Variants in MYO5B observed in about 807,000 individuals in gnomAD.
MYO5B encodes the protein myosin VB.
MYO5B carries 143 observed loss-of-function variants against 229.3 expected under a neutral mutation model. The observed-to-expected ratio is 0.62, with a 90% CI of 0.54 to 0.72. MYO5B has a LOEUF of 0.72. MYO5B is among the 30% of genes least tolerant of loss of function. MYO5B has a pLI of 0.00. For synonymous variants in MYO5B, 918 were observed against 885.2 expected, an observed-to-expected ratio of 1.04 and a Z score of -0.66; for missense variants, 2,321 against 2,331.0, an observed-to-expected ratio of 1.00 and a Z score of 0.09.
chr18:49,991,373 A>T (rs2025930519), intron 6 of MYO5B, among the ~76,000 whole-genome samples: 1 of 152,186 alleles, frequency 6.6e-6, no homozygotes, highest in Non-Finnish European at 1.5e-5. Context: ...CATTTAACCC[A>T]AGGCAAGAAT....
At chr18:50,160,229 C>A (rs867624823) in intron 1 of MYO5B, among the ~76,000 whole-genome samples, 2 of 152,218 alleles carry the variant, frequency 1.3e-5, no homozygotes, top group African/African-American at 4.8e-5. Flanking sequence ...GCTGCTCTCT[C>A]GAAAACTCTA....
intron 1 of MYO5B, among the ~76,000 whole-genome samples, chr18:50,116,811 ATACCCAC>A (rs766944145): frequency 7.9e-5 from 12 of 151,322 alleles, no homozygotes; most frequent in Non-Finnish European, 1.5e-4. Context: ...GGCAATTCTG[ATACCCAC>A]TAAAGTCTGA....
intron 1 of MYO5B, among the ~76,000 whole-genome samples, chr18:50,143,802 G>A (rs1474472109): frequency 6.6e-6 from 1 of 152,170 alleles, no homozygotes; most frequent in Non-Finnish European, 1.5e-5. Context: ...CACAATTTGT[G>A]TACAGGCTTG....
At chr18:49,892,221 C>A (rs1787617) in intron 22 of MYO5B, among the ~76,000 whole-genome samples, 88,847 of 152,088 alleles carry the variant, frequency 0.58, 26,067 homozygotes, top group Middle Eastern at 0.67. Context: ...GGGAAGGAGG[C>A]TAAGGGCCTG....
intron 1 of MYO5B, among the ~76,000 whole-genome samples, chr18:50,163,304 G>A (rs1388041023): frequency 1.3e-5 from 2 of 152,198 alleles, no homozygotes; most frequent in African/African-American, 4.8e-5. Context: ...AGTGGGGAGA[G>A]AGCTCGGCTC....
At position 49,888,558 on chromosome 18, in the gene MYO5B, G is replaced by A. The variant is rs369939438; in HGVS notation, c.3045+6383C>T. Among the ~76,000 whole-genome samples, 26 of 152,298 alleles carry A rather than the reference G, an allele frequency of 1.7e-4. No homozygotes were observed. In the East Asian group the frequency reaches 4.1e-3, roughly 24 times the overall value. On this transcript the variant is annotated intron_variant, in intron 22 of 39. Transcript: ENST00000285039. ...GTGAAGAGTTCTACGTTGCCAAAAC[G>A]TGTGGTTGCAGCACGGGCACTGAGA...
In MYO5B at chr18:49,864,330, CTCATTCAGG is replaced by C. The variant is rs2024370308; in HGVS notation, c.3645_3653del (p.Asp1215_Asn1217del). The C allele has an allele frequency of 6.2e-6, 10 of 1,614,108 alleles. No homozygotes were observed. The East Asian group carries it at 2.0e-4, about 32-fold the overall frequency. The stretch of plus-strand genomic sequence containing the variant: ...CTTGGTCGGCCACGGCTTTCCTCAG[CTCATTCAGG>C]TCATTCTTCAGCTTTTTGTTCTCTG... On this transcript the variant is annotated inframe_deletion, in exon 28 of 40. Transcript: ENST00000285039.
At chr18:50,004,083 A>G (rs1459740605) in intron 4 of MYO5B, among the ~76,000 whole-genome samples, 1 of 152,218 alleles carries the variant, frequency 6.6e-6, no homozygotes, top group African/African-American at 2.4e-5. Context: ...ATTCCCCTGC[A>G]TATCACTGGG....
At chr18:50,020,800 A>T (rs753133731) in intron 4 of MYO5B, among the ~76,000 whole-genome samples, 23 of 152,260 alleles carry the variant, frequency 1.5e-4, no homozygotes, top group Non-Finnish European at 2.5e-4. Flanking sequence ...TATATGTTTT[A>T]ATAGTTTCTG....
At chr18:50,025,107 C>T (rs1049076045) in intron 4 of MYO5B, among the ~76,000 whole-genome samples, 4 of 152,136 alleles carry the variant, frequency 2.6e-5, no homozygotes, top group Non-Finnish European at 5.9e-5. Flanking sequence ...CTATAGCTCC[C>T]GTTCACTGCT....
At chr18:50,014,864 G>C (rs1278422335) in intron 4 of MYO5B, among the ~76,000 whole-genome samples, 2 of 152,228 alleles carry the variant, frequency 1.3e-5, no homozygotes, top group South Asian at 2.1e-4. Flanking sequence ...GTAACTAAGT[G>C]TAAGAAAAGT....
At chr18:50,135,078 G>T (rs1274121358) in intron 1 of MYO5B, among the ~76,000 whole-genome samples, 2 of 152,072 alleles carry the variant, frequency 1.3e-5, no homozygotes, top group Admixed American at 6.5e-5. Context: ...CATATCAACC[G>T]GGAAATACAC....
chr18:50,026,790 A>G (rs1252279178), intron 4 of MYO5B, among the ~76,000 whole-genome samples: 1 of 152,234 alleles, frequency 6.6e-6, no homozygotes, highest in Non-Finnish European at 1.5e-5. Flanking sequence ...AAGCATTTTC[A>G]TTTATCAACT....
intron 1 of MYO5B, among the ~76,000 whole-genome samples, chr18:50,193,940 T>G (rs1013958344): frequency 6.6e-6 from 1 of 152,196 alleles, no homozygotes; most frequent in African/African-American, 2.4e-5. Context: ...CCGCCCGGGC[T>G]GCACCTGTTC....
intron 22 of MYO5B, among the ~76,000 whole-genome samples, chr18:49,888,698 C>G (rs1162342761): frequency 6.6e-6 from 1 of 152,158 alleles, no homozygotes; most frequent in Non-Finnish European, 1.5e-5. Flanking sequence ...CCTGGGTGGG[C>G]CCAGCTCCTC....
Position 49,976,439 on chromosome 18 carries a change from G to T in MYO5B, c.1057-1824C>A, listed in dbSNP as rs73959801. The stretch of plus-strand genomic sequence containing the variant: ...TGGTTTATGGAACAGTAGTTGCAAA[G>T]AACATTAGTTGGCTTTACTTAACAG... On this transcript the variant is annotated intron_variant, in intron 9 of 39. Transcript: ENST00000285039. 4.1e-3 allele frequency among the ~76,000 whole-genome samples: 621 copies of T among 152,250 alleles called. 5 individuals are homozygous for T. Among genetic ancestry groups the T allele is most frequent in the African/African-American group, 0.013 (539 of 41,546 alleles).
intron 1 of MYO5B, among the ~76,000 whole-genome samples, chr18:50,183,315 A>ATATATATATATATATATC (rs2033100182): frequency 2.3e-5 from 1 of 42,776 alleles, no homozygotes; most frequent in South Asian, 5.5e-4. Flanking sequence ...TCATATATAT[A>ATATATATATATATATATC]TATATATATA....
rs370112207 is a variant in MYO5B, at chr18:49,962,411, G to T, written c.1405-5C>A. 9.3e-6 allele frequency: 15 copies of T among 1,613,914 alleles called. No individual in the cohort carries two copies. Among genetic ancestry groups the T allele is most frequent in the Non-Finnish European group, 2.5e-6 (3 of 1,179,982 alleles). On this transcript the variant is annotated splice_polypyrimidine_tract_variant and splice_region_variant and intron_variant, in intron 11 of 39. Transcript: ENST00000285039. ...TTGCTCCAGTTTGAAAACATGCTAG[G>T]GCAAGTAAAAAGGTCACACGAGTGA...
intron 31 of MYO5B, chr18:49,850,035 G>C (rs2024180089): frequency 5.7e-6 from 2 of 353,424 alleles, no homozygotes; most frequent in Non-Finnish European, 5.5e-6. Context: ...GGAAGGAACG[G>C]ACAGGTGTGA....
Sources: allele counts gnomAD v4.1 joint callset (sites outside exome capture counted in the v4.1 genomes callset), GRCh38; gene constraint gnomAD v4.1.1; transcripts MANE v1.5; gene names NCBI Gene and HGNC (gene_info 2026-07-23, HGNC 2026-07-21).